IPCEF1: variants seen among roughly 807,000 people sequenced by gnomAD.
IPCEF1 encodes interaction protein for cytohesin exchange factors 1, also known as interactor protein for cytohesin exchange factors 1.
IPCEF1 carries 31 observed loss-of-function variants against 50.9 expected under a neutral mutation model. The ratio of observed to expected loss-of-function variants is 0.61; its 90% CI spans 0.46 to 0.82. IPCEF1 has a LOEUF of 0.82. Among genes scored for constraint, IPCEF1 ranks in the 40% least tolerant of loss-of-function variants. The probability of loss-of-function intolerance (pLI) is 0.00; values close to 1 mark genes in which losing one functional copy is unlikely to be tolerated. For synonymous variants in IPCEF1, 181 were observed against 192.0 expected, an observed-to-expected ratio of 0.94 and a Z score of 0.47; for missense variants, 458 against 514.0, an observed-to-expected ratio of 0.89 and a Z score of 1.05.
chr6:154,331,419 G>GAAAGAAAGAAAGAGAGAGAA (rs1562292587), intron 1 of IPCEF1, among the ~76,000 whole-genome samples: 2 of 144,552 alleles, frequency 1.4e-5, no homozygotes, highest in Non-Finnish European at 3.1e-5. Context: ...GAGAGAAAAA[G>GAAAGAAAGAAAGAGAGAGAA]AAAGAGAGAG....
intron 6 of IPCEF1, 167 bp downstream of exon 6, chr6:154,223,003 G>A (rs1778988142): frequency 1.6e-6 from 1 of 625,596 alleles, no homozygotes; most frequent in African/African-American, 1.8e-5. Context: ...GAAAATGAGA[G>A]GTTAAATGCT....
intron 9 of IPCEF1, among the ~76,000 whole-genome samples, chr6:154,210,055 A>G (rs1313841687): frequency 1.3e-5 from 2 of 152,260 alleles, no homozygotes; most frequent in African/African-American, 4.8e-5. Context: ...CTGAACTTCT[A>G]TTGTGCATCA....
chr6:154,346,901 A>G (rs1386434562), intron 1 of IPCEF1, among the ~76,000 whole-genome samples: 1 of 152,178 alleles, frequency 6.6e-6, no homozygotes, highest in East Asian at 1.9e-4. Context: ...ATCCCTATCC[A>G]AGCATATCCT....
chr6:154,219,290 C>G (rs778318074), intron 7 of IPCEF1: 3 of 151,878 alleles, frequency 2.0e-5, no homozygotes, highest in Non-Finnish European at 2.9e-5. Flanking sequence ...AATTGTTTCT[C>G]TGCTACTCTG....
At chr6:154,184,299 A>T (rs1801148981) in intron 10 of IPCEF1, among the ~76,000 whole-genome samples, 1 of 152,128 alleles carries the variant, frequency 6.6e-6, no homozygotes, top group South Asian at 2.1e-4. Context: ...ATAATAAAAA[A>T]TTGGAAATCA....
intron 9 of IPCEF1, among the ~76,000 whole-genome samples, chr6:154,210,644 C>G (rs918469649): frequency 6.6e-6 from 1 of 152,010 alleles, no homozygotes; most frequent in Non-Finnish European, 1.5e-5. Context: ...AAAATAAAAG[C>G]TTTTTCTAAA....
At chr6:154,269,894 G>A (rs185626131) in intron 2 of IPCEF1, among the ~76,000 whole-genome samples, 1 of 152,324 alleles carries the variant, frequency 6.6e-6, no homozygotes, top group African/African-American at 2.4e-5. Context: ...AACACATGGT[G>A]TCCATATGTT....
chr6:154,297,465 G>T (rs1345260125), intron 1 of IPCEF1, among the ~76,000 whole-genome samples: 1 of 152,192 alleles, frequency 6.6e-6, no homozygotes, highest in Non-Finnish European at 1.5e-5. Context: ...CTATTGGGCA[G>T]CCTACATTCA....
intron 7 of IPCEF1, among the ~76,000 whole-genome samples, chr6:154,219,916 G>A (rs1180197847): frequency 6.6e-6 from 1 of 152,052 alleles, no homozygotes; most frequent in Non-Finnish European, 1.5e-5. Context: ...GGGTGATGCT[G>A]GGGAGGTGAG....
intron 2 of IPCEF1, among the ~76,000 whole-genome samples, chr6:154,276,013 C>T (rs2128660868): frequency 6.6e-6 from 1 of 152,134 alleles, no homozygotes; most frequent in African/African-American, 2.4e-5. Context: ...AATTCCATCT[C>T]TACTAAAAAT....
At chr6:154,327,000 C>T (rs756512034) in intron 1 of IPCEF1, among the ~76,000 whole-genome samples, 2 of 152,210 alleles carry the variant, frequency 1.3e-5, no homozygotes, top group African/African-American at 2.4e-5. Context: ...GCTGAAATAA[C>T]TGGCTAGCCA....
intron 10 of IPCEF1, among the ~76,000 whole-genome samples, chr6:154,178,635 A>T (rs555347019): frequency 2.6e-5 from 4 of 152,248 alleles, no homozygotes; most frequent in Non-Finnish European, 5.9e-5. Flanking sequence ...TGTTGGGGTA[A>T]CCAGACATGA....
chr6:154,215,262 C>T (rs940041255), intron 7 of IPCEF1, among the ~76,000 whole-genome samples: 2 of 151,190 alleles, frequency 1.3e-5, no homozygotes, highest in Non-Finnish European at 2.9e-5. Context: ...CCTTACGCAA[C>T]CCTCAACCTG....
chr6:154,325,101 C>A (rs1783487342), intron 1 of IPCEF1, among the ~76,000 whole-genome samples: 1 of 151,982 alleles, frequency 6.6e-6, no homozygotes, highest in African/African-American at 2.4e-5. Flanking sequence ...CTTATGAATA[C>A]AGGAAAGATA....
chr6:154,297,020 C>T (rs935560436), intron 1 of IPCEF1, among the ~76,000 whole-genome samples: 2 of 151,874 alleles, frequency 1.3e-5, no homozygotes, highest in Non-Finnish European at 2.9e-5. Flanking sequence ...GGTCCAAAGT[C>T]ATTACATTTC....
chr6:154,189,344 T>C (rs1327755851), intron 10 of IPCEF1, among the ~76,000 whole-genome samples: 3 of 152,228 alleles, frequency 2.0e-5, no homozygotes, highest in Non-Finnish European at 2.9e-5. Flanking sequence ...AAGTTGAAGA[T>C]AGGCATACAT....
chr6:154,338,857 G>T (rs1007651218), intron 1 of IPCEF1, among the ~76,000 whole-genome samples: 1 of 152,264 alleles, frequency 6.6e-6, no homozygotes, highest in East Asian at 1.9e-4. Context: ...GGGAGGTGGA[G>T]GTTGCAGTGA....
intron 2 of IPCEF1, among the ~76,000 whole-genome samples, chr6:154,286,533 T>G (rs988484371): frequency 6.6e-6 from 1 of 152,218 alleles, no homozygotes; most frequent in Admixed American, 6.5e-5. Context: ...CTTTCTCTTA[T>G]GTAAACATTT....
intron 1 of IPCEF1, among the ~76,000 whole-genome samples, chr6:154,319,351 A>G (rs1029056101): frequency 6.6e-6 from 1 of 152,244 alleles, no homozygotes; most frequent in Admixed American, 6.5e-5. Flanking sequence ...ATATTTACAC[A>G]TATACATGGG....
Sources: gnomAD v4.1 joint callset for allele counts (sites outside exome capture counted in the v4.1 genomes callset) on GRCh38, gnomAD v4.1.1 for gene constraint, MANE v1.5 for transcripts, NCBI Gene and HGNC (gene_info 2026-07-23, HGNC 2026-07-21) for gene names.